The following DCLRE1C variants were observed in gnomAD, a reference collection of about 807,000 sequenced individuals.
DCLRE1C encodes protein artemis.
A neutral mutation model predicts 61.4 loss-of-function variants in DCLRE1C; 47 were observed. The observed-to-expected ratio is 0.77, with a 90% confidence interval of 0.61 to 0.98. The LOEUF (loss-of-function observed/expected upper bound fraction) is 0.98. DCLRE1C is among the 50% of genes least tolerant of loss of function. The pLI is 0.00. For missense variants in DCLRE1C, 858 were observed against 816.0 expected, an observed-to-expected ratio of 1.05 and a Z score of -0.63; for synonymous variants, 337 against 287.6, an observed-to-expected ratio of 1.17 and a Z score of -1.74.
rs1371756669 is a variant in DCLRE1C, at chr10:14,932,226, T to C, written c.780+628A>G. 1.3e-5 allele frequency among the ~76,000 whole-genome samples: 2 copies of C among 151,606 alleles called. 1 individual carries two copies. Among genetic ancestry groups the C allele is most frequent in the East Asian group, 3.9e-4 (2 of 5,104 alleles). On this transcript the variant is annotated intron_variant, in intron 9 of 13. Coordinates refer to ENST00000378278, the MANE Select transcript of DCLRE1C (RefSeq NM_001033855.3). ...GCAACAGAAGGAGAATGTCTCGAAA[T>C]ATATAAATACATATATAAATAGCAC...
At chr10:14,930,278 CTTTTTTTTTTTTT>C (rs60565089) in intron 9 of DCLRE1C, among the ~76,000 whole-genome samples, 1 of 85,706 alleles carries the variant, frequency 1.2e-5, no homozygotes, top group Admixed American at 1.4e-4. Flanking sequence ...CACTCAGCAC[CTTTTTTTTTTTTT>C]TTTTTTTTTT....
rs893984818 is a variant in DCLRE1C at position 14,906,210 on chromosome 10, A to G, written c.*2198T>C. Among the ~76,000 whole-genome samples, 4 of 152,164 alleles carry G rather than the reference A, an allele frequency of 2.6e-5. No homozygotes were observed. Among genetic ancestry groups the G allele is most frequent in the African/African-American group, 9.7e-5 (4 of 41,446 alleles). On this transcript the variant is annotated 3_prime_UTR_variant, in exon 14 of 14. Transcript: ENST00000378278. ...CTCTGTGCCTTTGTCTCATTTGTAC[A>G]TGGGGATTAGAAATGTATCTACCTC...
chr10:14,907,404 G>A lies in DCLRE1C; in HGVS notation c.*1004C>T, dbSNP rs539588341. 2.2e-4 allele frequency among the ~76,000 whole-genome samples: 34 copies of A among 151,658 alleles called. No homozygotes were observed. Among genetic ancestry groups the A allele is most frequent in the African/African-American group, 8.2e-4 (34 of 41,292 alleles). Reference sequence around the variant, plus strand: ...ATACATTCTGCTAGTTTGGGGTGGTGTGTTCTATAAATGTCAATTTAATCC... The same window carrying A: ...ATACATTCTGCTAGTTTGGGGTGGTATGTTCTATAAATGTCAATTTAATCC... On this transcript the variant is annotated 3_prime_UTR_variant, in exon 14 of 14. Transcript: ENST00000378278.
At chr10:14,946,681 G>C (rs1287551493) in intron 2 of DCLRE1C, among the ~76,000 whole-genome samples, 1 of 151,302 alleles carries the variant, frequency 6.6e-6, no homozygotes, top group East Asian at 1.9e-4. Context: ...TTTTTTTTAG[G>C]GGGAGGGGAG....
Position 14,909,115 on chromosome 10 carries a change from C to A in DCLRE1C, c.1372G>T (p.Glu458Ter). ...GGGATTCCTACTTCTTCTTCACTTT[C>A]ACTGTTGGATTCTTCACAATCTACA... ...NFVDCEESNSESEEEVGIPAS... is the reference protein window; with the variant it reads ...NFVDCEESNS The change falls in exon 14 of 14, where the codon GAA becomes TAA. Residue 458 changes from glutamate (E) to a stop codon, truncating the protein, a stop_gained. Transcript: ENST00000378278. LOFTEE classifies it low-confidence loss of function (END_TRUNC). The A allele has an allele frequency of 6.2e-7, 1 of 1,614,210 alleles. No individual in the cohort carries two copies. Among genetic ancestry groups the A allele is most frequent in the South Asian group, 1.1e-5 (1 of 91,086 alleles).
Position 14,905,730 on chromosome 10 carries a change from A to G in DCLRE1C, c.*2678T>C, listed in dbSNP as rs567564402. On this transcript the variant is annotated 3_prime_UTR_variant, in exon 14 of 14. Transcript: ENST00000378278. ...CTGGACACGGTAGCTGACGCCTGTA[A>G]TCCCAGCACTTTGGGAGGCCGAGGC... Among the ~76,000 whole-genome samples the G allele has an allele frequency of 2.1e-3, 317 of 152,288 alleles. No individual in the cohort carries two copies. The highest frequency in any genetic ancestry group is 7.4e-3 in the African/African-American group (307 of 41,538).
chr10:14,954,134 C>A, upstream of DCLRE1C: 1 of 1,530,622 alleles, frequency 6.5e-7, no homozygotes, highest in South Asian at 1.2e-5. Context: ...AACGCAGCCA[C>A]GTCCAATCAG....
At chr10:14,935,429 T>C (rs1564443038) in intron 6 of DCLRE1C, 34 bp downstream of exon 6, 2 of 1,595,776 alleles carry the variant, frequency 1.3e-6, no homozygotes, top group Non-Finnish European at 8.6e-7. Context: ...AAAAATAAAA[T>C]AAAATAAAAT....
chr10:14,919,982 C>T, intron 12 of DCLRE1C, 150 bp from the exon 13 acceptor site: 3 of 696,538 alleles, frequency 4.3e-6, no homozygotes, highest in Non-Finnish European at 5.1e-6. Flanking sequence ...GGAAATCACA[C>T]AACTACTTTG....
chr10:14,952,811 T>C (rs1842647842), intron 1 of DCLRE1C, among the ~76,000 whole-genome samples: 1 of 152,048 alleles, frequency 6.6e-6, no homozygotes, highest in African/African-American at 2.4e-5. Flanking sequence ...GAGAAATCAC[T>C]GGTGGCTTTG....
intron 8 of DCLRE1C, among the ~76,000 whole-genome samples, chr10:14,933,530 G>A (rs751618332): frequency 2.2e-4 from 33 of 151,924 alleles, no homozygotes; most frequent in African/African-American, 7.7e-4. Context: ...CAAGCTACTC[G>A]GGAGTCTGAG....
In DCLRE1C at chr10:14,908,650, T is replaced by A. The variant is rs773972085; in HGVS notation, c.1837A>T (p.Thr613Ser). Residue 613 changes from threonine to serine, a missense_variant, in exon 14 of 14, where the codon ACA becomes TCA. By Grantham distance (58) the Thr-to-Ser change is moderately conservative. Around this residue, in one of 2 missense-constraint regions of DCLRE1C, gnomAD observed 843 missense variants for 783.5 expected, o/e 1.08. Transcript: ENST00000378278. ...SDLKSRDKDV[T>S]IVPSTGEPTT... The stretch of plus-strand genomic sequence containing the variant: ...GGTTCTCCAGTACTAGGAACTATTG[T>A]CACATCTTTATCTCTGCTTTTCAAA... The A allele has an allele frequency of 5.0e-6, 8 of 1,614,084 alleles. No individual in the cohort carries two copies.
intron 9 of DCLRE1C, among the ~76,000 whole-genome samples, chr10:14,930,278 CTTTTTTTTTTT>C (rs60565089): frequency 0.012 from 1,013 of 85,750 alleles, 24 homozygotes; most frequent in African/African-American, 0.049. Flanking sequence ...CACTCAGCAC[CTTTTTTTTTTT>C]TTTTTTTTTT....
intron 13 of DCLRE1C, among the ~76,000 whole-genome samples, chr10:14,913,198 AT>A (rs1554776538): frequency 6.6e-6 from 1 of 152,260 alleles, no homozygotes; most frequent in Non-Finnish European, 1.5e-5. Context: ...ACACAAATCT[AT>A]AGAGACAAAC....
intron 13 of DCLRE1C, among the ~76,000 whole-genome samples, chr10:14,918,230 C>G (rs1564391811): frequency 6.6e-6 from 1 of 152,042 alleles, no homozygotes; most frequent in Non-Finnish European, 1.5e-5. Flanking sequence ...GGAAACAACC[C>G]AAAAATACAT....
At chr10:14,934,343 A>G in intron 8 of DCLRE1C, 37 bp downstream of exon 8, 2 of 1,590,560 alleles carry the variant, frequency 1.3e-6, no homozygotes, top group South Asian at 1.2e-5. Flanking sequence ...AAAAAAAAAA[A>G]GAAAAAAGAA....
In DCLRE1C at chr10:14,928,113, T is replaced by G. The variant is rs1258162431; in HGVS notation, c.820A>C (p.Ile274Leu). The G allele has an allele frequency of 8.1e-6, 13 of 1,613,596 alleles. No homozygotes were observed. The stretch of plus-strand genomic sequence containing the variant: ...AGTGGAATTCTATTTCTGGAAGTAA[T>G]TCCACAGGGTAATTTGCTCCACTGA... ...YFQWSKLPCG[I>L]TSRNRIPLHI... The change falls in exon 10 of 14, where the codon ATT becomes CTT. Residue 274 changes from isoleucine to leucine, a missense_variant. Coordinates refer to ENST00000378278, the MANE Select transcript of DCLRE1C (RefSeq NM_001033855.3).
chr10:14,939,903 C>T (rs1589106508), intron 3 of DCLRE1C, 34 bp from the exon 4 acceptor site: 1 of 1,530,090 alleles, frequency 6.5e-7, no homozygotes, highest in East Asian at 2.3e-5. Flanking sequence ...ATGTATATAG[C>T]AGTTTTTCAT....
downstream of DCLRE1C, among the ~76,000 whole-genome samples, chr10:14,900,345 A>T (rs1250456441): frequency 6.6e-6 from 1 of 152,190 alleles, no homozygotes; most frequent in Non-Finnish European, 1.5e-5. Flanking sequence ...GGGTGACATT[A>T]TCTGCATTTT....
Sources: allele counts gnomAD v4.1 joint callset (sites outside exome capture counted in the v4.1 genomes callset), GRCh38; gene constraint gnomAD v4.1.1; regional missense constraint gnomAD v4.1.1; transcripts MANE v1.5; gene names NCBI Gene and HGNC (gene_info 2026-07-23, HGNC 2026-07-21).